The following ADGRG7 variants were observed in gnomAD, a reference collection of about 807,000 sequenced individuals.
ADGRG7 encodes adhesion G protein-coupled receptor G7.
In ADGRG7, 82 loss-of-function variants were observed where a neutral mutation model predicts 88.6. The observed-to-expected ratio is 0.93, with a 90% CI of 0.77 to 1.11. The LOEUF (loss-of-function observed/expected upper bound fraction) is 1.11. Ranked by LOEUF, ADGRG7 falls within the 50% of genes most tolerant of loss-of-function variation. The pLI, the probability that ADGRG7 is intolerant of heterozygous loss-of-function variation, is 0.00. For missense variants in ADGRG7, 945 were observed against 953.4 expected (o/e 0.99, Z 0.12); for synonymous variants, 381 against 345.2 (o/e 1.10, Z -1.15).
At chr3:100,644,114 C>T (rs540753050) in intron 8 of ADGRG7, among the ~76,000 whole-genome samples, 10 of 152,124 alleles carry the variant, frequency 6.6e-5, no homozygotes, top group African/African-American at 2.2e-4. Context: ...CCACCATGTG[C>T]TCACTATTGT....
chr3:100,619,045 T>C (rs1460947318), intron 1 of ADGRG7, among the ~76,000 whole-genome samples: 1 of 152,160 alleles, frequency 6.6e-6, no homozygotes, highest in Non-Finnish European at 1.5e-5. Flanking sequence ...TAAGAATGCT[T>C]GTGATTTTTG....
Position 100,655,176 on chromosome 3 carries a change from G to T in ADGRG7, c.1721G>T (p.Gly574Val). 6.2e-7 allele frequency: 1 copy of T among 1,601,750 alleles called. No individual in the cohort carries two copies. ...RHFILFISLI[G>V]WGVPAIVVAI... ...TTCATTCTTTTCATCTCATTAATTG[G>T]ATGGGGTAAGTGTTTGCATCTCCCC... Residue 574 changes from glycine (G) to valine (V), a missense_variant, in exon 12 of 16, where the codon GGA becomes GTA. Physicochemically the swap from Gly to Val is moderately radical, Grantham distance 109. Coordinates refer to ENST00000273352, the MANE Select transcript of ADGRG7 (RefSeq NM_032787.3).
rs749215113 is a variant in ADGRG7 at position 100,637,268 on chromosome 3, G to A, written c.598-34G>A. On this transcript the variant is annotated intron_variant, in intron 5 of 15. Transcript: ENST00000273352. ...ATGGTGATGATAATGTATGATATAT[G>A]CTTCTCTGATGATCAGTATCTTCTC... The A allele has an allele frequency of 4.7e-5, 63 of 1,329,036 alleles. 1 individual carries two copies. In the South Asian group the frequency reaches 7.3e-4, roughly 15 times the overall value. 82.3% of individuals were successfully genotyped at this position (1,329,036 alleles called of 1,614,324 possible).
intron 14 of ADGRG7, among the ~76,000 whole-genome samples, chr3:100,662,116 A>G (rs1460178298): frequency 1.3e-5 from 2 of 152,212 alleles, no homozygotes; most frequent in Non-Finnish European, 2.9e-5. Flanking sequence ...TTTTAAAAGT[A>G]GTTCAAACAT....
chr3:100,681,052 A>T (rs950393993), intron 15 of ADGRG7, among the ~76,000 whole-genome samples: 2 of 152,206 alleles, frequency 1.3e-5, no homozygotes, highest in African/African-American at 4.8e-5. Context: ...TTTGTTTTCA[A>T]AATCTGAAAA....
chr3:100,670,963 T>C (rs147597459), intron 15 of ADGRG7, among the ~76,000 whole-genome samples: 132 of 152,364 alleles, frequency 8.7e-4, no homozygotes, highest in African/African-American at 3.1e-3. Context: ...GATGGGCATT[T>C]GGGTTGGTTC....
At chr3:100,635,999 A>G (rs1391369776) in intron 5 of ADGRG7, among the ~76,000 whole-genome samples, 173 bp downstream of exon 5, 2 of 152,236 alleles carry the variant, frequency 1.3e-5, no homozygotes, top group Non-Finnish European at 2.9e-5. Context: ...CAAAGATTAA[A>G]AAAAGGGCCT....
intron 11 of ADGRG7, chr3:100,654,528 T>C (rs970210802): frequency 8.1e-6 from 2 of 247,178 alleles, no homozygotes; most frequent in South Asian, 6.4e-5. Context: ...CAGGGCTACC[T>C]ACCAGGAAGT....
intron 15 of ADGRG7, among the ~76,000 whole-genome samples, chr3:100,674,579 CTTTTT>C (rs34582443): frequency 7.8e-6 from 1 of 128,794 alleles, no homozygotes; most frequent in Non-Finnish European, 1.7e-5. Flanking sequence ...TTCTTAATTC[CTTTTT>C]TTTTTTTTTT....
chr3:100,649,842 AT>A, intron 11 of ADGRG7, 35 bp downstream of exon 11: 1 of 1,242,824 alleles, frequency 8.0e-7, no homozygotes, highest in Non-Finnish European at 1.2e-6. Flanking sequence ...CAGAAGAGAA[AT>A]TGCTATCTTG....
intron 1 of ADGRG7, among the ~76,000 whole-genome samples, chr3:100,615,724 A>T (rs2317285): frequency 0.51 from 78,275 of 152,130 alleles, 21,995 homozygotes; most frequent in South Asian, 0.76. Flanking sequence ...TAATTCAAAT[A>T]TGCAAGCAGG....
chr3:100,643,346 C>G lies in ADGRG7; in HGVS notation c.779C>G (p.Ala260Gly). The G allele has an allele frequency of 6.2e-7, 1 of 1,614,062 alleles. No individual in the cohort carries two copies. The highest frequency in any genetic ancestry group is 8.5e-7 in the Non-Finnish European group (1 of 1,179,922). Reference protein sequence around the residue: ...VVEPNIAIQSANFSSENAVGP... With the variant: ...VVEPNIAIQSGNFSSENAVGP... The stretch of plus-strand genomic sequence containing the variant: ...GAACCTAACATAGCAATACAGTCAG[C>G]AAATTTCTCTTCAGAAAATGCGGTG... The change falls in exon 7 of 16, where the codon GCA becomes GGA. Residue 260 changes from alanine (A) to glycine (G), a missense_variant. By Grantham distance (60) the Ala-to-Gly change is moderately conservative (BLOSUM62 0). Transcript: ENST00000273352.
In ADGRG7 at chr3:100,629,667, G is replaced by C. The variant is rs753866189; in HGVS notation, c.185G>C (p.Arg62Thr). 8 of 1,613,288 alleles carry C rather than the reference G, an allele frequency of 5.0e-6. No individual in the cohort carries two copies. In the East Asian group the frequency reaches 1.6e-4, roughly 31 times the overall value. Residue 62 changes from arginine (R) to threonine (T), a missense_variant, in exon 2 of 16, where the codon AGA (arginine) becomes ACA (threonine). Physicochemically the swap from Arg to Thr is moderately conservative, Grantham distance 71 (BLOSUM62 -1). Coordinates refer to ENST00000273352, the MANE Select transcript of ADGRG7 (RefSeq NM_032787.3). ...AATGGTGGAACCTGGGAAAATGGCA[G>C]ATGTATTTGTACAGAAGAGTGGAAA... ...CRNGGTWENG[R>T]CICTEEWKGL...
intron 4 of ADGRG7, 170 bp from the exon 5 acceptor site, chr3:100,635,507 T>G: frequency 5.7e-6 from 8 of 1,403,104 alleles, no homozygotes; most frequent in Non-Finnish European, 7.4e-6. Flanking sequence ...CTGGTCTGCA[T>G]GTACTTTGTC....
intron 4 of ADGRG7, among the ~76,000 whole-genome samples, chr3:100,635,377 C>T (rs1051205352): frequency 6.6e-6 from 1 of 152,160 alleles, no homozygotes; most frequent in South Asian, 2.1e-4. Context: ...CTCTCTACGA[C>T]CTTTGTAACA....
At position 100,629,630 on chromosome 3, in the gene ADGRG7, GA is replaced by G; in HGVS notation, c.149del (p.Glu50GlyfsTer23). ...TACTTCCTCATCAAGCACCCCTACA[GA>G]GTTCTGCAGGAATGGTGGAACCTGG... ...KSTSSSSTPTEFCRNGGTWEN... is the reference protein window; with the variant it reads ...KSTSSSSTPTXFCRNGGTWEN... On this transcript the variant is annotated frameshift_variant, in exon 2 of 16. Coordinates refer to ENST00000273352, the MANE Select transcript of ADGRG7 (RefSeq NM_032787.3). LOFTEE classifies it high-confidence loss of function. 6.2e-7 allele frequency: 1 copy of G among 1,613,276 alleles called. No homozygotes were observed. Among genetic ancestry groups the G allele is most frequent in the African/African-American group, 1.3e-5 (1 of 74,996 alleles).
Position 100,655,982 on chromosome 3 carries a change from C to G in ADGRG7, c.1810C>G (p.Arg604Gly). ...TAATCCACAGTGGGAATTAGACTAC[C>G]GGCAAGAGAAAATGTGAGTTTATAT... is the stretch of plus-strand genomic sequence containing the variant. The part of the protein sequence containing the change: ...GNNPQWELDY[R>G]QEKICWLAIP... Residue 604 changes from arginine to glycine, a missense_variant, in exon 13 of 16, where the codon CGG (arginine) becomes GGG (glycine). Transcript: ENST00000273352. The G allele has an allele frequency of 6.3e-7, 1 of 1,599,874 alleles. No homozygotes were observed. The highest frequency in any genetic ancestry group is 1.3e-5 in the African/African-American group (1 of 74,764).
chr3:100,632,856 C>T (rs1168902674), intron 3 of ADGRG7, among the ~76,000 whole-genome samples: 1 of 152,178 alleles, frequency 6.6e-6, no homozygotes, highest in African/African-American at 2.4e-5. Context: ...GGCAACTAAA[C>T]ATCTAATAAA....
At chr3:100,666,959 G>C (rs1365211143) in intron 14 of ADGRG7, among the ~76,000 whole-genome samples, 1 of 152,154 alleles carries the variant, frequency 6.6e-6, no homozygotes, top group Non-Finnish European at 1.5e-5. Flanking sequence ...GAGAGCACGG[G>C]GTTGGGGGTA....
Sources: allele counts gnomAD v4.1 joint callset (sites outside exome capture counted in the v4.1 genomes callset), GRCh38; gene constraint gnomAD v4.1.1; transcripts MANE v1.5; gene names NCBI Gene and HGNC (gene_info 2026-07-23, HGNC 2026-07-21).